Variants in MBD5 observed in about 807,000 individuals in gnomAD.
MBD5 encodes methyl-CpG-binding domain protein 5.
In MBD5, 13 loss-of-function variants were observed where a neutral mutation model predicts 117.3. The ratio of observed to expected loss-of-function variants is 0.11; its 90% CI spans 0.07 to 0.18. MBD5 has a LOEUF of 0.18. MBD5 is among the 10% of genes least tolerant of loss of function. The pLI, the probability that MBD5 is intolerant of heterozygous loss-of-function variation, is 1.00. For missense variants in MBD5, 1,879 were observed against 2,093.8 expected (o/e 0.90, Z 2.00); for synonymous variants, 727 against 766.4 (o/e 0.95, Z 0.85).
Position 148,468,683 on chromosome 2 carries a change from C to G in MBD5, c.740C>G (p.Pro247Arg). ...CCAAGGACTGACCCACTTGGAAGTCCTGATGTTTTCACAAGAAGTAATCCT... is the reference window on the plus strand; with the variant it reads ...CCAAGGACTGACCCACTTGGAAGTCGTGATGTTTTCACAAGAAGTAATCCT... ...ISPRTDPLGS[P>R]DVFTRSNPGF... The change falls in exon 8 of 14, where the codon CCT (proline) becomes CGT (arginine). Residue 247 changes from proline (P) to arginine (R), a missense_variant. Coordinates refer to ENST00000642680, the MANE Select transcript of MBD5 (RefSeq NM_001378120.1). 1 of 1,613,864 alleles carries G rather than the reference C, an allele frequency of 6.2e-7. No homozygotes were observed. The highest frequency in any genetic ancestry group is 8.5e-7 in the Non-Finnish European group (1 of 1,179,874).
intron 4 of MBD5, among the ~76,000 whole-genome samples, chr2:148,377,449 A>G (rs1465545204): frequency 1.3e-5 from 2 of 152,224 alleles, no homozygotes; most frequent in Non-Finnish European, 2.9e-5. Flanking sequence ...GTTGACACTC[A>G]GTATTAACCA....
At chr2:148,228,276 A>G (rs778849153) in intron 2 of MBD5, among the ~76,000 whole-genome samples, 17 of 152,150 alleles carry the variant, frequency 1.1e-4, no homozygotes, top group Non-Finnish European at 2.2e-4. Context: ...TTATTTTGAG[A>G]TACGTCCCAT....
intron 11 of MBD5, among the ~76,000 whole-genome samples, chr2:148,499,433 A>G (rs1272100302): frequency 1.3e-5 from 2 of 152,226 alleles, no homozygotes; most frequent in African/African-American, 2.4e-5. Flanking sequence ...GGCCAGTACT[A>G]TTAGCATCAT....
At chr2:148,371,928 A>G (rs952854290) in intron 4 of MBD5, among the ~76,000 whole-genome samples, 1 of 152,152 alleles carries the variant, frequency 6.6e-6, no homozygotes, top group Admixed American at 6.5e-5. Context: ...GCTTATATTC[A>G]TTTAGCTTAT....
chr2:148,398,677 T>C (rs1043464923), intron 4 of MBD5, among the ~76,000 whole-genome samples: 2 of 152,226 alleles, frequency 1.3e-5, no homozygotes, highest in Non-Finnish European at 2.9e-5. Flanking sequence ...TTTGTCAATT[T>C]TGGCTTTTGT....
At chr2:148,207,364 G>C (rs574734983) in intron 2 of MBD5, among the ~76,000 whole-genome samples, 16 of 151,866 alleles carry the variant, frequency 1.1e-4, no homozygotes, top group African/African-American at 3.9e-4. Flanking sequence ...GGAGTGCCTG[G>C]GGGAAAGAAG....
At chr2:148,021,710 TG>T (rs1693741976) in intron 1 of MBD5, 26 bp downstream of exon 1, 1 of 320,980 alleles carries the variant, frequency 3.1e-6, no homozygotes. Flanking sequence ...GGGGCTTCAT[TG>T]CCTTCCTCTG....
At chr2:148,351,756 G>A (rs1703255019) in intron 4 of MBD5, among the ~76,000 whole-genome samples, 1 of 152,052 alleles carries the variant, frequency 6.6e-6, no homozygotes, top group Non-Finnish European at 1.5e-5. Context: ...CTGCCAATAT[G>A]TGTTTTCCTT....
At position 148,489,872 on chromosome 2, in the gene MBD5, G is replaced by C. The variant is rs1335612355; in HGVS notation, c.4240G>C (p.Gly1414Arg). The change falls in exon 11 of 14, where the codon GGG becomes CGG. Residue 1414 changes from glycine (G) to arginine (R), a missense_variant. Physicochemically the swap from Gly to Arg is moderately radical, Grantham distance 125 (BLOSUM62 -2). Around this residue, in one of 4 missense-constraint regions of MBD5, gnomAD observed 1,666 missense variants for 1,792.2 expected, o/e 0.93. Coordinates refer to ENST00000642680, the MANE Select transcript of MBD5 (RefSeq NM_001378120.1). ...DHGKNVNEGD[G>R]FEYFKSASCH... ...TGGGAAAAATGTGAACGAAGGAGAT[G>C]GGTTTGAATATTTCAAGTCAGCAAG... The C allele has an allele frequency of 2.5e-6, 4 of 1,614,108 alleles. No individual in the cohort carries two copies. The South Asian group carries it at 4.4e-5, about 18-fold the overall frequency.
chr2:148,286,844 T>C (rs539767263), intron 3 of MBD5, among the ~76,000 whole-genome samples: 393 of 152,320 alleles, frequency 2.6e-3, no homozygotes, highest in African/African-American at 9.1e-3. Context: ...AGTTTAGTGG[T>C]ACTTACTTAT....
chr2:148,074,753 C>A (rs1199290658), intron 1 of MBD5, among the ~76,000 whole-genome samples: 1 of 151,998 alleles, frequency 6.6e-6, no homozygotes, highest in Non-Finnish European at 1.5e-5. Flanking sequence ...CCACCCACCT[C>A]GGCCTCCCAA....
intron 3 of MBD5, among the ~76,000 whole-genome samples, chr2:148,321,644 A>G (rs1702284815): frequency 1.3e-5 from 2 of 152,164 alleles, no homozygotes; most frequent in Non-Finnish European, 2.9e-5. Flanking sequence ...AAAATACTGG[A>G]TTATAAATAT....
chr2:148,159,584 C>T (rs1697957649), intron 1 of MBD5, among the ~76,000 whole-genome samples: 1 of 152,142 alleles, frequency 6.6e-6, no homozygotes, highest in Non-Finnish European at 1.5e-5. Flanking sequence ...CCACACCCTA[C>T]CCTAACTATA....
chr2:148,463,681 A>G, intron 6 of MBD5, 58 bp from the exon 7 acceptor site: 1 of 1,582,866 alleles, frequency 6.3e-7, no homozygotes. Flanking sequence ...AAACAAAGGG[A>G]TCTTTTTATT....
At chr2:148,483,055 A>C in intron 8 of MBD5, 55 bp from the exon 9 acceptor site, 2 of 1,580,836 alleles carry the variant, frequency 1.3e-6, no homozygotes, top group Middle Eastern at 1.7e-4. Context: ...GCCTAGTCTC[A>C]CATAACATTC....
intron 3 of MBD5, among the ~76,000 whole-genome samples, chr2:148,281,742 C>T (rs879643631): frequency 6.6e-5 from 10 of 152,002 alleles, no homozygotes; most frequent in Non-Finnish European, 1.3e-4. Context: ...GGTGGATTGA[C>T]TTAAGTTTTA....
chr2:148,366,215 A>G (rs1703691329), intron 4 of MBD5, among the ~76,000 whole-genome samples: 1 of 152,182 alleles, frequency 6.6e-6, no homozygotes, highest in Non-Finnish European at 1.5e-5. Flanking sequence ...AATAGAACAA[A>G]TGACAAAAAC....
In MBD5 at chr2:148,470,444, A is replaced by C. The variant is rs1306222803; in HGVS notation, c.2501A>C (p.Gln834Pro). Residue 834 changes from glutamine (Q) to proline (P), a missense_variant, in exon 8 of 14, where the codon CAA becomes CCA. Physicochemically the swap from Gln to Pro is moderately conservative, Grantham distance 76 (BLOSUM62 -1). Coordinates refer to ENST00000642680, the MANE Select transcript of MBD5 (RefSeq NM_001378120.1). ...IPNSIVSSYN[Q>P]TSSEAGGSGP... ...AACAGCATTGTTAGCAGCTATAATC[A>C]AACAAGTTCTGAAGCAGGTATGGTT... 2 of 1,602,176 alleles carry C rather than the reference A, an allele frequency of 1.2e-6. No individual in the cohort carries two copies. The highest frequency in any genetic ancestry group is 1.7e-6 in the Non-Finnish European group (2 of 1,173,686).
intron 4 of MBD5, among the ~76,000 whole-genome samples, chr2:148,438,273 T>C (rs1049161169): frequency 2.0e-5 from 3 of 152,230 alleles, no homozygotes; most frequent in Non-Finnish European, 4.4e-5. Flanking sequence ...ACTTCTGTGA[T>C]CTTCAAAATA....
Sources: allele counts gnomAD v4.1 joint callset (sites outside exome capture counted in the v4.1 genomes callset), GRCh38; gene constraint gnomAD v4.1.1; regional missense constraint gnomAD v4.1.1; transcripts MANE v1.5; gene names NCBI Gene and HGNC (gene_info 2026-07-23, HGNC 2026-07-21).